PTPRG: variants seen among roughly 807,000 people sequenced by gnomAD.
The protein encoded by PTPRG is receptor-type tyrosine-protein phosphatase gamma.
Under a neutral mutation model 165.3 loss-of-function variants are expected in PTPRG, and 102 were observed. The ratio of observed to expected loss-of-function variants is 0.62; its 90% CI spans 0.53 to 0.73. The LOEUF (loss-of-function observed/expected upper bound fraction) is 0.73. PTPRG is among the 30% of genes least tolerant of loss of function. PTPRG has a pLI of 0.00. For missense variants in PTPRG, 1,866 were observed against 1,861.4 expected (o/e 1.00, Z -0.05); for synonymous variants, 675 against 669.5 (o/e 1.01, Z -0.13).
Position 61,943,813 on chromosome 3 carries a change from C to T in PTPRG, c.191-45812C>T, listed in dbSNP as rs57897300. The stretch of plus-strand genomic sequence containing the variant: ...TGAATGAAATGGCAGGGCCTATGCT[C>T]CCAGAGGATTGGATAACTGCTGCTT... On this transcript the variant is annotated intron_variant, in intron 2 of 29. Coordinates refer to ENST00000474889, the MANE Select transcript of PTPRG (RefSeq NM_002841.4). Among the ~76,000 whole-genome samples, 457 of 152,184 alleles carry T rather than the reference C, an allele frequency of 3.0e-3. 2 individuals are homozygous for T. Among genetic ancestry groups the T allele is most frequent in the African/African-American group, 0.011 (439 of 41,518 alleles).
rs559367387 is a variant in PTPRG at position 62,159,376 on chromosome 3, T to A, written c.840+2152T>A. ...AGATAATGAAGTTAAGGAATACTGA[T>A]TTGGCTACTTTTCATATAGAATTCC... is the stretch of plus-strand genomic sequence containing the variant. On this transcript the variant is annotated intron_variant, in intron 7 of 29. Transcript: ENST00000474889. Among the ~76,000 whole-genome samples, 4 of 152,136 alleles carry A rather than the reference T, an allele frequency of 2.6e-5. No individual in the cohort carries two copies. The South Asian group carries it at 8.3e-4, about 32-fold the overall frequency.
At chr3:61,760,369 C>G (rs2033794401) in intron 2 of PTPRG, among the ~76,000 whole-genome samples, 1 of 152,160 alleles carries the variant, frequency 6.6e-6, no homozygotes. Flanking sequence ...TTTGTTCCCC[C>G]TTTCTCGCTG....
intron 2 of PTPRG, among the ~76,000 whole-genome samples, chr3:61,886,143 A>G (rs919521245): frequency 2.0e-5 from 3 of 152,118 alleles, no homozygotes; most frequent in African/African-American, 7.2e-5. Context: ...AACTTGGAAG[A>G]TAACTTCGCT....
intron 1 of PTPRG, chr3:61,659,581 T>C (rs996487371): frequency 2.1e-6 from 1 of 472,742 alleles, no homozygotes; most frequent in Admixed American, 6.4e-5. Context: ...TTGAGTGTCA[T>C]GTTCCTTCTC....
intron 4 of PTPRG, among the ~76,000 whole-genome samples, chr3:62,041,502 G>T (rs1205180562): frequency 1.3e-5 from 2 of 152,082 alleles, no homozygotes; most frequent in African/African-American, 2.4e-5. Flanking sequence ...TTTTTGTAAT[G>T]TGAGGAAATT....
intron 2 of PTPRG, among the ~76,000 whole-genome samples, chr3:61,778,802 CAG>C (rs2034459799): frequency 6.6e-6 from 1 of 152,084 alleles, no homozygotes. Flanking sequence ...TGTGATGAGT[CAG>C]GGAAAGAATT....
intron 5 of PTPRG, among the ~76,000 whole-genome samples, chr3:62,109,322 G>T (rs1279973605): frequency 1.3e-5 from 2 of 152,130 alleles, no homozygotes; most frequent in African/African-American, 2.4e-5. Context: ...CATTGCTTGT[G>T]TGTGTCAGGT....
At chr3:62,161,919 G>C (rs976184948) in intron 7 of PTPRG, among the ~76,000 whole-genome samples, 5 of 152,186 alleles carry the variant, frequency 3.3e-5, no homozygotes, top group African/African-American at 1.2e-4. Context: ...CATGACCTTA[G>C]GTGAGATTTT....
chr3:62,025,876 CA>C (rs1400316632), intron 4 of PTPRG, among the ~76,000 whole-genome samples: 3 of 151,114 alleles, frequency 2.0e-5, no homozygotes, highest in Non-Finnish European at 4.4e-5. Context: ...TTTTAGAAGG[CA>C]AAACCATTTT....
At chr3:62,005,694 T>C (rs2041281659) in intron 4 of PTPRG, among the ~76,000 whole-genome samples, 2 of 47,678 alleles carry the variant, frequency 4.2e-5, no homozygotes, top group African/African-American at 1.8e-4. Context: ...AATATCCTTT[T>C]TTTTTTTTTT....
At chr3:61,706,657 T>C (rs996690047) in intron 1 of PTPRG, among the ~76,000 whole-genome samples, 2 of 151,992 alleles carry the variant, frequency 1.3e-5, no homozygotes, top group Non-Finnish European at 2.9e-5. Context: ...GCCCAGCTAA[T>C]TTTTGTATTT....
intron 28 of PTPRG, among the ~76,000 whole-genome samples, chr3:62,286,687 AATAAGC>A (rs1402216406): frequency 1.3e-5 from 2 of 152,180 alleles, no homozygotes; most frequent in Non-Finnish European, 2.9e-5. Context: ...TCACTAGTTA[AATAAGC>A]ATTACTTTTA....
At chr3:62,113,430 A>G (rs1702740904) in intron 5 of PTPRG, among the ~76,000 whole-genome samples, 1 of 152,224 alleles carries the variant, frequency 6.6e-6, no homozygotes, top group African/African-American at 2.4e-5. Flanking sequence ...TTATAATTTA[A>G]TCATTTATAT....
intron 4 of PTPRG, among the ~76,000 whole-genome samples, chr3:62,030,830 G>A (rs1307833336): frequency 6.6e-6 from 1 of 152,172 alleles, no homozygotes; most frequent in African/African-American, 2.4e-5. Flanking sequence ...TTGGGATGAA[G>A]GCTGATTTGC....
At chr3:61,936,742 AC>A (rs1394737629) in intron 2 of PTPRG, among the ~76,000 whole-genome samples, 1 of 152,190 alleles carries the variant, frequency 6.6e-6, no homozygotes, top group Admixed American at 6.5e-5. Flanking sequence ...TGAAATCCTT[AC>A]GTTTTGGATG....
At chr3:61,570,079 G>A (rs1345612195) in intron 1 of PTPRG, among the ~76,000 whole-genome samples, 1 of 152,144 alleles carries the variant, frequency 6.6e-6, no homozygotes, top group Non-Finnish European at 1.5e-5. Flanking sequence ...ACTCATTACT[G>A]GGATTCAATT....
At chr3:62,256,675 G>A (rs1340513951) in intron 16 of PTPRG, among the ~76,000 whole-genome samples, 1 of 152,118 alleles carries the variant, frequency 6.6e-6, no homozygotes, top group African/African-American at 2.4e-5. Flanking sequence ...CAACGTTGAT[G>A]GTATTCAGGA....
intron 5 of PTPRG, among the ~76,000 whole-genome samples, chr3:62,092,117 CACACACACACACAA>C (rs2106798446): frequency 2.0e-5 from 1 of 51,272 alleles, no homozygotes; most frequent in Admixed American, 2.6e-4. Flanking sequence ...CACACACACA[CACACACACACACAA>C]TCTGTAAACT....
chr3:61,893,653 A>G (rs2038276087), intron 2 of PTPRG, among the ~76,000 whole-genome samples: 1 of 152,132 alleles, frequency 6.6e-6, no homozygotes, highest in South Asian at 2.1e-4. Context: ...TCTTTATGTG[A>G]AACATTTTCT....
Sources: gnomAD v4.1 joint callset for allele counts (sites outside exome capture counted in the v4.1 genomes callset) on GRCh38, gnomAD v4.1.1 for gene constraint, MANE v1.5 for transcripts, NCBI Gene and HGNC (gene_info 2026-07-23, HGNC 2026-07-21) for gene names.